LMLN: variants seen among roughly 807,000 people sequenced by gnomAD.
LMLN encodes leishmanolysin-like peptidase.
In LMLN, 70 loss-of-function variants were observed where a neutral mutation model predicts 92.3. That is an observed-to-expected ratio of 0.76 (90% CI 0.63 to 0.92). The LOEUF is 0.92. Ranked by LOEUF, LMLN falls within the 40% of genes least tolerant of loss-of-function variation. The pLI, the probability that LMLN is intolerant of heterozygous loss-of-function variation, is 0.00. For synonymous variants in LMLN, 308 were observed against 296.2 expected, an observed-to-expected ratio of 1.04 and a Z score of -0.41; for missense variants, 691 against 814.6, an observed-to-expected ratio of 0.85 and a Z score of 1.85.
chr3:197,997,069 TTTC>T (rs1376113226), intron 10 of LMLN, among the ~76,000 whole-genome samples: 4 of 151,216 alleles, frequency 2.6e-5, no homozygotes, highest in Non-Finnish European at 5.9e-5. Flanking sequence ...TCTTTCTCTC[TTTC>T]TTTCCTTTTC....
At chr3:198,035,845 C>T (rs756953789) in exon 15 of LMLN, 2 of 1,613,792 alleles carry the variant, frequency 1.2e-6, no homozygotes, top group South Asian at 1.1e-5. Context: ...TTCTTGTTCT[C>T]CTCAAGGTCT....
At chr3:197,989,955 G>T (rs1208460271) in intron 8 of LMLN, among the ~76,000 whole-genome samples, 2 of 152,362 alleles carry the variant, frequency 1.3e-5, no homozygotes, top group East Asian at 3.9e-4. Context: ...GCTCACTGCA[G>T]CCTTGAACTC....
chr3:198,036,097 C>G (rs963103777), intron 15 of LMLN, 54 bp downstream of exon 16: 10 of 1,486,908 alleles, frequency 6.7e-6, no homozygotes, highest in Admixed American at 1.7e-5. Context: ...AGGTGAACTT[C>G]TCTTATAAAA....
chr3:197,972,651 A>C (rs1188795318), intron 1 of LMLN, among the ~76,000 whole-genome samples: 1 of 150,902 alleles, frequency 6.6e-6, no homozygotes, highest in Non-Finnish European at 1.5e-5. Context: ...AATAATGGAC[A>C]CCATAGATAA....
chr3:197,977,607 C>T (rs1219553958), intron 5 of LMLN, among the ~76,000 whole-genome samples: 1 of 151,494 alleles, frequency 6.6e-6, no homozygotes, highest in Non-Finnish European at 1.5e-5. Context: ...TAAAAATTAT[C>T]AAACAATCTG....
At chr3:198,005,780 G>A (rs1002314659) in intron 11 of LMLN, among the ~76,000 whole-genome samples, 6 of 151,972 alleles carry the variant, frequency 3.9e-5, no homozygotes, top group Middle Eastern at 3.4e-3. Flanking sequence ...GATTATAGGC[G>A]TGCGCCACCA....
chr3:198,039,929 C>T (rs988264026), exon 16 of LMLN: 1 of 152,168 alleles, frequency 6.6e-6, no homozygotes, highest in African/African-American at 2.4e-5. Context: ...GAGTAAAATA[C>T]TCTGCCCTGT....
intron 1 of LMLN, among the ~76,000 whole-genome samples, chr3:197,966,043 T>C (rs1361945493): frequency 6.6e-6 from 1 of 152,194 alleles, no homozygotes; most frequent in African/African-American, 2.4e-5. Flanking sequence ...CTTTTGTTTA[T>C]TGCATGTTTT....
Position 198,025,683 on chromosome 3 carries a change from ATTATC to A in LMLN, c.1656+900_1656+904del, listed in dbSNP as rs1195371166. 7.9e-5 allele frequency among the ~76,000 whole-genome samples: 12 copies of A among 152,284 alleles called. No individual in the cohort carries two copies. The highest frequency in any genetic ancestry group is 7.8e-4 in the Admixed American group (12 of 15,294). ...CCATGCCTCGCCTACTATTTCCTTA[ATTATC>A]TTATTTGCACATCTGATATTATATG... On this transcript the variant is annotated intron_variant, in intron 14 of 15. Coordinates refer to ENST00000330198, the Ensembl canonical transcript of LMLN. This position sits in a 1 kb window ranked among gnomAD's most constrained non-coding sequence, Gnocchi z 4.3.
intron 6 of LMLN, 149 bp downstream of exon 6, chr3:197,980,653 G>T: frequency 1.5e-6 from 1 of 682,148 alleles, no homozygotes. Context: ...GTTTGGAGTG[G>T]GGTTAGGAGA....
At chr3:197,986,465 A>G (rs1014653464) in intron 8 of LMLN, among the ~76,000 whole-genome samples, 2 of 152,194 alleles carry the variant, frequency 1.3e-5, no homozygotes, top group African/African-American at 4.8e-5. Context: ...CAAGAAAAAA[A>G]AGAGAAGCCT....
chr3:198,038,743 C>A, exon 16 of LMLN: 1 of 1,088,854 alleles, frequency 9.2e-7, no homozygotes, highest in Non-Finnish European at 1.4e-6. Context: ...TGAGTGAGTG[C>A]CAACCTATGC....
chr3:198,019,104 T>A lies in LMLN; in HGVS notation c.1233-149T>A, dbSNP rs1722714825. ...TGTAGCTGCAGGGCAGAGGGGACAT[T>A]GCCTCCATCTCTTTCCAAGAATCCC... On this transcript the variant is annotated intron_variant, in intron 11 of 15. Transcript: ENST00000330198. The surrounding 1 kb of genome is among the most constrained non-coding windows in gnomAD (Gnocchi z 5.5). 1 of 722,228 alleles carries A rather than the reference T, an allele frequency of 1.4e-6. No individual in the cohort carries two copies. Among genetic ancestry groups the A allele is most frequent in the African/African-American group, 1.8e-5 (1 of 55,936 alleles). 44.7% of individuals were successfully genotyped at this position (722,228 alleles called of 1,614,324 possible). A position where few individuals can be genotyped will look rare whatever the true frequency, so the allele number is the denominator to read the frequency against.
At chr3:197,990,727 A>G (rs187714002) in intron 9 of LMLN, 51 bp downstream of exon 9, 581 of 869,216 alleles carry the variant, frequency 6.7e-4, no homozygotes, top group Non-Finnish European at 1.9e-4. Flanking sequence ...CTTTTCCTTT[A>G]CTGTGGTCCT....
At chr3:198,003,226 G>A in intron 11 of LMLN, 101 bp downstream of exon 12, 1 of 661,390 alleles carries the variant, frequency 1.5e-6, no homozygotes, top group Admixed American at 3.3e-5. Flanking sequence ...TGTAGTCTGA[G>A]CAGTTCAATT....
At chr3:198,015,493 C>G (rs1296520150) in intron 11 of LMLN, among the ~76,000 whole-genome samples, 2 of 143,176 alleles carry the variant, frequency 1.4e-5, no homozygotes, top group Non-Finnish European at 3.0e-5. Flanking sequence ...AGTCTGACTT[C>G]TCTCCACCCC....
chr3:197,995,778 G>T (rs140141422), intron 9 of LMLN, among the ~76,000 whole-genome samples: 3 of 151,920 alleles, frequency 2.0e-5, no homozygotes, highest in African/African-American at 7.3e-5. Flanking sequence ...ATATTAGCTC[G>T]ATATAATTAT....
At chr3:198,012,737 C>T (rs1722485762) in intron 11 of LMLN, among the ~76,000 whole-genome samples, 1 of 150,982 alleles carries the variant, frequency 6.6e-6, no homozygotes, top group Non-Finnish European at 1.5e-5. Flanking sequence ...TTCAGAGCCC[C>T]CTAACTAGTC....
intron 1 of LMLN, among the ~76,000 whole-genome samples, chr3:197,966,787 A>T (rs911138667): frequency 6.6e-6 from 1 of 151,998 alleles, no homozygotes; most frequent in African/African-American, 2.4e-5. Context: ...ATGATTTTAC[A>T]TCTATGTATT....
Sources: allele counts gnomAD v4.1 joint callset (sites outside exome capture counted in the v4.1 genomes callset), GRCh38; gene constraint gnomAD v4.1.1; non-coding constraint Gnocchi (gnomAD v3.1); transcripts MANE v1.5; gene names NCBI Gene and HGNC (gene_info 2026-07-23, HGNC 2026-07-21).